Variants in AGMO observed in about 807,000 individuals in gnomAD.
AGMO encodes alkylglycerol monooxygenase.
In AGMO, 75 loss-of-function variants were observed where a neutral mutation model predicts 60.2. That is an observed-to-expected ratio of 1.25 (90% CI 1.03 to 1.51). The LOEUF is 1.51. Among genes scored for constraint, AGMO ranks in the 40% most tolerant of loss-of-function variants. AGMO has a pLI of 0.00. For synonymous variants in AGMO, 261 were observed against 177.1 expected (o/e 1.47, Z -3.76); for missense variants, 763 against 525.5 (o/e 1.45, Z -4.42).
At chr7:15,164,481 G>C in the AGMO span, among the ~76,000 whole-genome samples, 2 of 151,938 alleles carry the variant, frequency 1.3e-5, no homozygotes, top group Non-Finnish European at 2.9e-5. Context: ...GAAAATATTT[G>C]CAAACTATGC....
chr7:15,443,382 G>T (rs1346229291), intron 3 of AGMO, among the ~76,000 whole-genome samples: 2 of 152,162 alleles, frequency 1.3e-5, no homozygotes, highest in Admixed American at 1.3e-4. Flanking sequence ...CACCAAAGAA[G>T]CAAGCCACGC....
chr7:15,273,410 T>C (rs2128515009), intron 12 of AGMO, among the ~76,000 whole-genome samples: 1 of 152,340 alleles, frequency 6.6e-6, no homozygotes, highest in South Asian at 2.1e-4. Flanking sequence ...CTTGTTTTTG[T>C]CAGGTTTGTC....
intron 12 of AGMO, among the ~76,000 whole-genome samples, chr7:15,292,751 CTTTTTT>C (rs765222435): frequency 0.1 from 9,741 of 94,674 alleles, 246 homozygotes; most frequent in Middle Eastern, 0.22. Context: ...TTTTTTTTTC[CTTTTTT>C]TTTTTTTTTT....
At chr7:15,508,740 A>G (rs1228816365) in intron 3 of AGMO, among the ~76,000 whole-genome samples, 1 of 152,150 alleles carries the variant, frequency 6.6e-6, no homozygotes, top group Non-Finnish European at 1.5e-5. Context: ...TAGAAAAAAA[A>G]AAAAGTTTTT....
At position 15,292,246 on chromosome 7, in the gene AGMO, T is replaced by C. The variant is rs150791704; in HGVS notation, c.1263+73268A>G. Among the ~76,000 whole-genome samples the C allele has an allele frequency of 1.8e-3, 272 of 152,266 alleles. 1 individual carries two copies. Among genetic ancestry groups the C allele is most frequent in the African/African-American group, 6.4e-3 (266 of 41,554 alleles). ...AATCAGCTGGGGAGCTGCAAAAGTA[T>C]AATGGCCCAACAGTACTTTAGATCA... is the stretch of plus-strand genomic sequence containing the variant. On this transcript the variant is annotated intron_variant, in intron 12 of 12. Transcript: ENST00000342526.
chr7:15,246,449 G>A lies in AGMO; in HGVS notation c.1264-45090C>T, dbSNP rs972808711. 6.6e-5 allele frequency among the ~76,000 whole-genome samples: 10 copies of A among 152,272 alleles called. No homozygotes were observed. In the East Asian group the frequency reaches 1.5e-3, roughly 24 times the overall value. Reference sequence around the variant, plus strand: ...GATTTTTTAAAAAATTGCCATTGGAGTTCATAGACAATGACTTGAAGTTTA... The same window carrying A: ...GATTTTTTAAAAAATTGCCATTGGAATTCATAGACAATGACTTGAAGTTTA... On this transcript the variant is annotated intron_variant, in intron 12 of 12. Coordinates refer to ENST00000342526, the MANE Select transcript of AGMO (RefSeq NM_001004320.2).
the AGMO span, among the ~76,000 whole-genome samples, chr7:15,162,172 C>A: frequency 6.6e-6 from 1 of 152,120 alleles, no homozygotes; most frequent in African/African-American, 2.4e-5. Context: ...CACCTTCTGC[C>A]ATGATTCTAA....
chr7:15,197,418 A>G (rs1477711746), downstream of AGMO, among the ~76,000 whole-genome samples: 1 of 152,206 alleles, frequency 6.6e-6, no homozygotes, highest in Non-Finnish European at 1.5e-5. Context: ...TAAGCTGTTA[A>G]TGTTAAATAC....
At chr7:15,425,383 G>C (rs1045086210) in intron 4 of AGMO, among the ~76,000 whole-genome samples, 3 of 151,356 alleles carry the variant, frequency 2.0e-5, no homozygotes, top group African/African-American at 7.3e-5. Context: ...TGTTATTAAT[G>C]AGATTTTCAT....
intron 5 of AGMO, chr7:15,396,034 T>A (rs771327319): frequency 5.3e-5 from 8 of 152,222 alleles, no homozygotes; most frequent in Non-Finnish European, 1.0e-4. Flanking sequence ...ATTAAGCACA[T>A]TGTTTACCCA....
the AGMO span, among the ~76,000 whole-genome samples, chr7:15,147,211 T>C: frequency 6.6e-6 from 1 of 152,098 alleles, no homozygotes; most frequent in South Asian, 2.1e-4. Context: ...CTGTCTTTTA[T>C]AGACACATCC....
intron 12 of AGMO, among the ~76,000 whole-genome samples, chr7:15,249,588 G>C (rs1357914943): frequency 6.6e-6 from 1 of 152,066 alleles, no homozygotes; most frequent in Non-Finnish European, 1.5e-5. Context: ...TCCATAAAAA[G>C]TCATTCTCAC....
At chr7:15,534,752 A>G (rs552930718) in intron 3 of AGMO, among the ~76,000 whole-genome samples, 1 of 151,974 alleles carries the variant, frequency 6.6e-6, no homozygotes, top group Admixed American at 6.6e-5. Context: ...AAGGTCCTTT[A>G]TGAAGTATTA....
intron 10 of AGMO, among the ~76,000 whole-genome samples, chr7:15,384,217 A>T (rs6976409): frequency 2.0e-5 from 3 of 152,226 alleles, no homozygotes; most frequent in South Asian, 2.1e-4. Flanking sequence ...GATTACAGGC[A>T]TGAGCCACCA....
intron 3 of AGMO, among the ~76,000 whole-genome samples, chr7:15,529,666 T>TCTATATATAGAATATATATA (rs1784242650): frequency 8.1e-5 from 1 of 12,366 alleles, no homozygotes; most frequent in African/African-American, 2.1e-4. Flanking sequence ...CTATATATAT[T>TCTATATATAGAATATATATA]CTATATATAT....
chr7:15,171,341 A>G, the AGMO span, among the ~76,000 whole-genome samples: 1 of 152,308 alleles, frequency 6.6e-6, no homozygotes. Context: ...CACACATTCT[A>G]TCAAGGGTAC....
intron 5 of AGMO, among the ~76,000 whole-genome samples, chr7:15,398,815 C>A: frequency 6.6e-6 from 1 of 151,988 alleles, no homozygotes. Flanking sequence ...TTTAAAAAAC[C>A]CATAAAACTG....
Position 15,557,560 on chromosome 7 carries a change from C to T in AGMO, c.257+2581G>A, listed in dbSNP as rs554621730. On this transcript the variant is annotated intron_variant, in intron 2 of 12. Coordinates refer to ENST00000342526, the MANE Select transcript of AGMO (RefSeq NM_001004320.2). The stretch of plus-strand genomic sequence containing the variant: ...GGATTGAGAGGAATGGATCCACAGG[C>T]TCGCTTTTCCTTTTCTGTTTATATC... Among the ~76,000 whole-genome samples the T allele has an allele frequency of 2.6e-5, 4 of 151,732 alleles. No individual in the cohort carries two copies. In the East Asian group the frequency reaches 7.7e-4, roughly 29 times the overall value.
In AGMO at chr7:15,385,066, AG is replaced by A. The variant is rs528157361; in HGVS notation, c.1074+379del. 5.9e-4 allele frequency among the ~76,000 whole-genome samples: 90 copies of A among 152,296 alleles called. 1 individual carries two copies. In the South Asian group the frequency reaches 0.012, roughly 20 times the overall value. The stretch of plus-strand genomic sequence containing the variant: ...CACTGAAAACCCTTTAAATTCTATC[AG>A]GGAATTCTCTAAGTGAAGGTAAGTA... On this transcript the variant is annotated intron_variant, in intron 10 of 12. Transcript: ENST00000342526.
Sources: allele counts gnomAD v4.1 joint callset (sites outside exome capture counted in the v4.1 genomes callset), GRCh38; gene constraint gnomAD v4.1.1; transcripts MANE v1.5; gene names NCBI Gene and HGNC (gene_info 2026-07-23, HGNC 2026-07-21).